The following ZNF48 variants were observed in gnomAD, a reference collection of about 807,000 sequenced individuals.
ZNF48 encodes zinc finger protein 553.
A neutral mutation model predicts 40.0 loss-of-function variants in ZNF48; 20 were observed. The ratio of observed to expected loss-of-function variants is 0.50; its 90% CI spans 0.35 to 0.73. The LOEUF is 0.73. Ranked by LOEUF, ZNF48 falls within the 30% of genes least tolerant of loss-of-function variation. The pLI is 0.01. For missense variants in ZNF48, 726 were observed against 851.9 expected, an observed-to-expected ratio of 0.85 and a Z score of 1.84; for synonymous variants, 298 against 329.7, an observed-to-expected ratio of 0.90 and a Z score of 1.04.
chr16:30,381,423 C>T lies in ZNF48; in HGVS notation c.-16+3013C>T. ...CTTCCGGTTCAGGCCACTCTCATCC[C>T]TAAGGTACTGCTCAAATTGCTCCTC... is the stretch of plus-strand genomic sequence containing the variant. On this transcript the variant is annotated intron_variant, in intron 1 of 2. Coordinates refer to the ZNF48 transcript ENST00000528032. The surrounding 1 kb of genome is among the most constrained non-coding windows in gnomAD (Gnocchi z 4.3). 6.2e-7 allele frequency: 1 copy of T among 1,614,088 alleles called. No individual in the cohort carries two copies. The highest frequency in any genetic ancestry group is 1.1e-5 in the South Asian group (1 of 91,066).
At chr16:30,379,190 G>C (rs375701584) in intron 1 of ZNF48, 45 of 1,613,556 alleles carry the variant, frequency 2.8e-5, no homozygotes, top group Admixed American at 3.3e-5. Context: ...TCCACTGGAG[G>C]GGGGGCGGCG....
intron 1 of ZNF48, among the ~76,000 whole-genome samples, chr16:30,385,614 ACT>A (rs778497426): frequency 2.3e-4 from 35 of 151,496 alleles, no homozygotes; most frequent in Admixed American, 6.6e-5. Flanking sequence ...ACAGAGCAAG[ACT>A]CTGTCTCAAA....
At chr16:30,379,294 C>T in intron 1 of ZNF48, 1 of 1,476,774 alleles carries the variant, frequency 6.8e-7, no homozygotes, top group Non-Finnish European at 9.3e-7. Context: ...GGAGGGTCCG[C>T]GGTCTGCAGC....
In ZNF48 at chr16:30,399,110, C is replaced by G. The variant is rs191558894; in HGVS notation, c.*3C>G. The G allele has an allele frequency of 9.3e-5, 146 of 1,573,034 alleles. No homozygotes were observed. Among genetic ancestry groups the G allele is most frequent in the Non-Finnish European group, 1.2e-4 (137 of 1,159,186 alleles). On this transcript the variant is annotated 3_prime_UTR_variant, in exon 3 of 3. Transcript: ENST00000613509. ...AGGCAGCAACAGGACTGGAATGACG[C>G]GGTCCAGGGAGGGCGGAGGCCCAGG...
Position 30,398,780 on chromosome 16 carries a change from A to G in ZNF48, c.1530A>G (p.Pro510=), listed in dbSNP as rs200530842. 6.2e-7 allele frequency: 1 copy of G among 1,609,768 alleles called. No individual in the cohort carries two copies. The highest frequency in any genetic ancestry group is 1.3e-5 in the African/African-American group (1 of 74,912). Residue 510 remains proline (P), a synonymous_variant, in exon 3 of 3, where the codon CCA becomes CCG. Transcript: ENST00000613509. This position sits in a 1 kb window ranked among gnomAD's most constrained non-coding sequence, Gnocchi z 6.6. Reference sequence around the variant, plus strand: ...GTGGTGAACGGGCCCGGCCACCACCACCATCCACTCTGCTGCGGCCACATA... The same window carrying G: ...GTGGTGAACGGGCCCGGCCACCACCGCCATCCACTCTGCTGCGGCCACATA... ...THRGERARPP[P]PSTLLRPHNP...
In ZNF48 at chr16:30,398,612, T is replaced by G. The variant is rs1293964638; in HGVS notation, c.1362T>G (p.Pro454=). The change falls in exon 3 of 3, where the codon CCT becomes CCG. Residue 454 remains proline, a synonymous_variant. Transcript: ENST00000613509. This position sits in a 1 kb window ranked among gnomAD's most constrained non-coding sequence, Gnocchi z 6.6. ...PLAGDKPHKC[P]ECGKGFRRSS... The stretch of plus-strand genomic sequence containing the variant: ...CGGGCGACAAGCCCCACAAGTGCCC[T>G]GAGTGTGGCAAGGGCTTCCGCCGAA... The G allele has an allele frequency of 6.2e-7, 1 of 1,612,854 alleles. No individual in the cohort carries two copies. Among genetic ancestry groups the G allele is most frequent in the African/African-American group, 1.3e-5 (1 of 75,014 alleles).
intron 2 of ZNF48, chr16:30,396,074 C>T: frequency 2.1e-6 from 1 of 473,388 alleles, no homozygotes; most frequent in East Asian, 3.4e-5. Context: ...CCCTCACGGC[C>T]TTCCTCATCC....
chr16:30,396,497 A>G (rs2049985523), intron 2 of ZNF48, among the ~76,000 whole-genome samples: 1 of 152,062 alleles, frequency 6.6e-6, no homozygotes, highest in African/African-American at 2.4e-5. Context: ...AAGCTTCTTG[A>G]GGAAGGGATG....
chr16:30,396,642 G>A lies in ZNF48; in HGVS notation c.80-688G>A, dbSNP rs551318748. Among the ~76,000 whole-genome samples the A allele has an allele frequency of 6.6e-5, 10 of 151,528 alleles. No individual in the cohort carries two copies. In the South Asian group the frequency reaches 8.3e-4, roughly 13 times the overall value. ...GACAATATAATGTAGGGATTAACACGGGCTTGAGTGTCAGAGAGACCTTAG... is the reference window on the plus strand; with the variant it reads ...GACAATATAATGTAGGGATTAACACAGGCTTGAGTGTCAGAGAGACCTTAG... On this transcript the variant is annotated intron_variant, in intron 2 of 2. Transcript: ENST00000613509.
At position 30,399,142 on chromosome 16, in the gene ZNF48, A is replaced by C. The variant is rs769230301; in HGVS notation, c.*35A>C. ...GGGAGGGCGGAGGCCCAGGAGACCAAAGGGAGGGGCTCTGCCGCTTAGCAG... is the reference window on the plus strand; with the variant it reads ...GGGAGGGCGGAGGCCCAGGAGACCACAGGGAGGGGCTCTGCCGCTTAGCAG... On this transcript the variant is annotated 3_prime_UTR_variant, in exon 3 of 3. Transcript: ENST00000613509. 3 of 1,519,488 alleles carry C rather than the reference A, an allele frequency of 2.0e-6. No homozygotes were observed. In the African/African-American group the frequency reaches 4.1e-5, roughly 21 times the overall value. The allele number at this position is 1,519,488 out of a possible 1,614,324, so 94.1% of individuals were successfully genotyped here.
chr16:30,379,781 A>G (rs902481679), intron 1 of ZNF48: 2 of 597,424 alleles, frequency 3.3e-6, no homozygotes, highest in Non-Finnish European at 2.9e-6. Context: ...AAATTTGTGT[A>G]TTTTTAGTAG....
chr16:30,389,816 GTTTTTTTTTTTTTTTTTTTTTTT>G (rs56373430), intron 1 of ZNF48, among the ~76,000 whole-genome samples: 1 of 22,480 alleles, frequency 4.4e-5, no homozygotes, highest in Non-Finnish European at 1.1e-4. Context: ...ATTTGGATTA[GTTTTTTTTTTTTTTTTTTTTTTT>G]TTTTTTTTTT....
chr16:30,389,630 G>A (rs1317552001), intron 1 of ZNF48, among the ~76,000 whole-genome samples: 7 of 148,632 alleles, frequency 4.7e-5, no homozygotes, highest in Admixed American at 4.7e-4. Context: ...GAGTTTATAT[G>A]AATTAACAGT....
upstream of ZNF48, among the ~76,000 whole-genome samples, chr16:30,393,244 T>G (rs1164130600): frequency 1.9e-4 from 26 of 137,898 alleles, no homozygotes; most frequent in Middle Eastern, 0.011. Context: ...GCCCTGCTAA[T>G]TTTTTTATTT....
exon 1 of ZNF48, chr16:30,378,342 G>T: frequency 8.0e-7 from 1 of 1,252,906 alleles, no homozygotes; most frequent in Non-Finnish European, 1.1e-6. Flanking sequence ...ACCCGCGGAG[G>T]TCCCGGGGGG....
At position 30,399,332 on chromosome 16, in the gene ZNF48, G is replaced by C; in HGVS notation, c.*225G>C. 2.0e-6 allele frequency: 1 copy of C among 511,830 alleles called. No homozygotes were observed. The highest frequency in any genetic ancestry group is 3.4e-6 in the Non-Finnish European group (1 of 290,046). 31.7% of individuals were successfully genotyped at this position (511,830 alleles called of 1,614,324 possible). ...GGACGGGCTGTACCCCTGGCTTCTA[G>C]AAGACTGCCTAGCACACAGTAGGCA... On this transcript the variant is annotated 3_prime_UTR_variant, in exon 3 of 3. Transcript: ENST00000613509.
At position 30,395,847 on chromosome 16, in the gene ZNF48, G is replaced by C. The variant is rs748824576; in HGVS notation, c.53G>C (p.Arg18Thr). 1.4e-4 allele frequency: 214 copies of C among 1,547,704 alleles called. No homozygotes were observed. Among genetic ancestry groups the C allele is most frequent in the Non-Finnish European group, 1.7e-4 (196 of 1,151,634 alleles). The change falls in exon 2 of 3, where the codon AGG becomes ACG. Residue 18 changes from arginine to threonine, a missense_variant. Arg to Thr is a moderately conservative substitution (Grantham distance 71). Coordinates refer to ENST00000613509, the MANE Select transcript of ZNF48 (RefSeq NM_001214909.2). The surrounding 1 kb of genome is among the most constrained non-coding windows in gnomAD (Gnocchi z 5.9). ...CCAGATCTCCACCGCCCGGAGGAGA[G>C]GGAGCCACAGAGAGGCGCCCGCACA... Reference protein sequence around the residue: ...WGPDLHRPEEREPQRGARTGL... With the variant: ...WGPDLHRPEETEPQRGARTGL...
At chr16:30,379,235 C>A (rs1200477231) in intron 1 of ZNF48, 1 of 1,604,636 alleles carries the variant, frequency 6.2e-7, no homozygotes, top group Non-Finnish European at 8.5e-7. Context: ...TCGGGTCCAA[C>A]CCACCCGTAA....
chr16:30,383,479 A>G (rs954975856), intron 1 of ZNF48, among the ~76,000 whole-genome samples: 7 of 152,140 alleles, frequency 4.6e-5, no homozygotes, highest in African/African-American at 7.2e-5. Flanking sequence ...GTGAGCCACC[A>G]TGCCAGGCCA....
Sources: gnomAD v4.1 joint callset for allele counts (sites outside exome capture counted in the v4.1 genomes callset) on GRCh38, gnomAD v4.1.1 for gene constraint, Gnocchi (gnomAD v3.1) non-coding constraint, MANE v1.5 for transcripts, NCBI Gene and HGNC (gene_info 2026-07-23, HGNC 2026-07-21) for gene names.